Variants in CTNNA3 observed in about 807,000 individuals in gnomAD.
CTNNA3 encodes catenin alpha 3.
A neutral mutation model predicts 95.7 loss-of-function variants in CTNNA3; 76 were observed. The ratio of observed to expected loss-of-function variants is 0.79; its 90% CI spans 0.66 to 0.96. The LOEUF (loss-of-function observed/expected upper bound fraction) is 0.96, where lower values mean the gene tolerates loss of function less well. Among genes scored for constraint, CTNNA3 ranks in the 40% least tolerant of loss-of-function variants. The pLI, the probability that CTNNA3 is intolerant of heterozygous loss-of-function variation, is 0.00. For missense variants in CTNNA3, 1,191 were observed against 1,089.8 expected (o/e 1.09, Z -1.31); for synonymous variants, 431 against 374.4 (o/e 1.15, Z -1.74).
chr10:66,282,714 T>C (rs1211081362), intron 12 of CTNNA3, among the ~76,000 whole-genome samples: 3 of 151,826 alleles, frequency 2.0e-5, no homozygotes, highest in African/African-American at 7.2e-5. Flanking sequence ...GCACCTGCTC[T>C]TAGCATTAAG....
intron 12 of CTNNA3, among the ~76,000 whole-genome samples, chr10:66,344,512 C>T (rs925566074): frequency 3.3e-5 from 5 of 151,824 alleles, no homozygotes; most frequent in African/African-American, 7.2e-5. Context: ...GGTGATCCGT[C>T]GGCTTTGGCC....
At chr10:66,666,836 A>ATAAAGTTTTATG (rs1325737291) in intron 9 of CTNNA3, among the ~76,000 whole-genome samples, 1 of 152,122 alleles carries the variant, frequency 6.6e-6, no homozygotes, top group African/African-American at 2.4e-5. Context: ...TATAAAGCAC[A>ATAAAGTTTTATG]TATAATGTAC....
chr10:67,441,357 A>G (rs1446569464), intron 5 of CTNNA3, among the ~76,000 whole-genome samples: 1 of 152,140 alleles, frequency 6.6e-6, no homozygotes, highest in Admixed American at 6.5e-5. Context: ...TTGGTCTTAA[A>G]GAGGAGGTAG....
At chr10:66,118,548 C>T (rs1225156643) in intron 13 of CTNNA3, among the ~76,000 whole-genome samples, 1 of 152,132 alleles carries the variant, frequency 6.6e-6, no homozygotes, top group East Asian at 1.9e-4. Context: ...CTTTTCTTCC[C>T]TTCTAACCGT....
At chr10:66,221,139 C>T (rs1048918100) in intron 13 of CTNNA3, among the ~76,000 whole-genome samples, 3 of 152,130 alleles carry the variant, frequency 2.0e-5, no homozygotes, top group Admixed American at 6.5e-5. Flanking sequence ...AATATGAATT[C>T]ATTTGGCCAG....
intron 7 of CTNNA3, among the ~76,000 whole-genome samples, chr10:66,894,388 T>C (rs1015515691): frequency 6.6e-6 from 1 of 152,078 alleles, no homozygotes; most frequent in African/African-American, 2.4e-5. Flanking sequence ...TGTCTTCTTA[T>C]ATAAGCCTTT....
chr10:67,461,738 G>T (rs1449588781), intron 5 of CTNNA3, among the ~76,000 whole-genome samples: 1 of 152,014 alleles, frequency 6.6e-6, no homozygotes, highest in Non-Finnish European at 1.5e-5. Context: ...TAACCTCCAG[G>T]CTTTATATCA....
At chr10:66,775,273 C>CA (rs1316915451) in intron 8 of CTNNA3, among the ~76,000 whole-genome samples, 171 bp downstream of exon 8, 8 of 152,116 alleles carry the variant, frequency 5.3e-5, no homozygotes, top group South Asian at 2.1e-4. Context: ...GTATTTGCCA[C>CA]AAAAAACATT....
At chr10:66,300,708 A>C (rs985465554) in intron 12 of CTNNA3, among the ~76,000 whole-genome samples, 3 of 151,990 alleles carry the variant, frequency 2.0e-5, no homozygotes, top group African/African-American at 7.2e-5. Context: ...AAAAGTATCA[A>C]GGTAAGGTAT....
chr10:67,734,196 C>T (rs1417550597), intron 1 of CTNNA3, among the ~76,000 whole-genome samples: 6 of 152,084 alleles, frequency 3.9e-5, no homozygotes, highest in African/African-American at 1.4e-4. Context: ...ATTAACCCTA[C>T]ATGTTAATTA....
chr10:66,975,852 T>C (rs553557546), intron 7 of CTNNA3, among the ~76,000 whole-genome samples: 58 of 152,346 alleles, frequency 3.8e-4, no homozygotes, highest in Non-Finnish European at 7.8e-4. Context: ...TGTCATTTTC[T>C]ATCTGACCAA....
chr10:66,181,383 A>G (rs926479236), intron 13 of CTNNA3, among the ~76,000 whole-genome samples: 2 of 152,228 alleles, frequency 1.3e-5, no homozygotes, highest in Admixed American at 6.5e-5. Context: ...ACTCTAAAAT[A>G]CAAAAACATA....
intron 10 of CTNNA3, among the ~76,000 whole-genome samples, chr10:66,528,507 G>A (rs1261035247): frequency 3.9e-5 from 6 of 152,026 alleles, no homozygotes; most frequent in African/African-American, 7.2e-5. Flanking sequence ...TTGTACAGAC[G>A]CCTTCTAAGA....
At chr10:66,771,906 A>G (rs1840101087) in intron 8 of CTNNA3, among the ~76,000 whole-genome samples, 1 of 152,172 alleles carries the variant, frequency 6.6e-6, no homozygotes, top group Admixed American at 6.6e-5. Flanking sequence ...GTGTTCCAGG[A>G]AGAAAAAGGT....
chr10:66,303,469 T>C (rs2091891233), intron 12 of CTNNA3, among the ~76,000 whole-genome samples: 1 of 152,070 alleles, frequency 6.6e-6, no homozygotes, highest in Non-Finnish European at 1.5e-5. Context: ...CTTGATTATG[T>C]ATCTGGCTCT....
chr10:67,235,415 A>C (rs1865408478), intron 5 of CTNNA3, among the ~76,000 whole-genome samples: 1 of 152,234 alleles, frequency 6.6e-6, no homozygotes, highest in Non-Finnish European at 1.5e-5. Flanking sequence ...CAATGGGGAA[A>C]GTATTCCCTA....
chr10:66,669,106 C>T (rs547553341), intron 9 of CTNNA3, among the ~76,000 whole-genome samples: 8 of 152,080 alleles, frequency 5.3e-5, no homozygotes, highest in South Asian at 2.1e-4. Flanking sequence ...GGGCGGAGAA[C>T]GAATTAAGCC....
intron 5 of CTNNA3, among the ~76,000 whole-genome samples, chr10:67,385,850 A>C (rs970936077): frequency 6.6e-6 from 1 of 152,032 alleles, no homozygotes; most frequent in East Asian, 1.9e-4. Flanking sequence ...AAAAAAAAAA[A>C]AAACCTGGGG....
At chr10:67,289,978 A>C (rs1839771193) in intron 5 of CTNNA3, among the ~76,000 whole-genome samples, 1 of 151,994 alleles carries the variant, frequency 6.6e-6, no homozygotes, top group South Asian at 2.1e-4. Context: ...TAAAAAAAAA[A>C]AAACATTTGT....
Sources: allele counts gnomAD v4.1 joint callset (sites outside exome capture counted in the v4.1 genomes callset), GRCh38; gene constraint gnomAD v4.1.1; transcripts MANE v1.5; gene names NCBI Gene and HGNC (gene_info 2026-07-23, HGNC 2026-07-21).